LHFPL2: variants seen among roughly 807,000 people sequenced by gnomAD.
The protein encoded by LHFPL2 is LHFPL tetraspan subfamily member 2.
A neutral mutation model predicts 17.5 loss-of-function variants in LHFPL2; 7 were observed. The ratio of observed to expected loss-of-function variants is 0.40; its 90% CI spans 0.23 to 0.75. The LOEUF (loss-of-function observed/expected upper bound fraction) is 0.75, where lower values mean the gene tolerates loss of function less well. Among genes scored for constraint, LHFPL2 ranks in the 30% least tolerant of loss-of-function variants. The probability of loss-of-function intolerance (pLI) is 0.37; values close to 1 mark genes in which losing one functional copy is unlikely to be tolerated. For missense variants in LHFPL2, 241 were observed against 294.8 expected (o/e 0.82, Z 1.34); for synonymous variants, 134 against 116.2 (o/e 1.15, Z -0.99).
intron 2 of LHFPL2, among the ~76,000 whole-genome samples, chr5:78,610,057 G>A (rs748721279): frequency 3.3e-5 from 5 of 152,000 alleles, no homozygotes; most frequent in Non-Finnish European, 7.4e-5. Flanking sequence ...AGCCTGCCAG[G>A]GGACTAGAGT....
intron 4 of LHFPL2, among the ~76,000 whole-genome samples, chr5:78,501,332 A>C (rs910526130): frequency 6.6e-6 from 1 of 152,208 alleles, no homozygotes; most frequent in Non-Finnish European, 1.5e-5. Flanking sequence ...CACACTTACT[A>C]AACTTCCTTG....
intron 2 of LHFPL2, among the ~76,000 whole-genome samples, chr5:78,586,451 C>T (rs1349755288): frequency 6.6e-6 from 1 of 152,224 alleles, no homozygotes; most frequent in African/African-American, 2.4e-5. Context: ...CATTTCATAA[C>T]TGCAGTAAGT....
At position 78,628,851 on chromosome 5, in the gene LHFPL2, C is replaced by T. The variant is rs76376893; in HGVS notation, c.-245+3413G>A. 9.1e-3 allele frequency among the ~76,000 whole-genome samples: 1,385 copies of T among 152,238 alleles called. 25 individuals are homozygous for T. The highest frequency in any genetic ancestry group is 0.031 in the African/African-American group (1,295 of 41,530). ...GTCAAGTAAGTAGATGAAATGCAGGCGAGGTGAGCCCTGAAGCTTGGCCAT... is the reference window on the plus strand; with the variant it reads ...GTCAAGTAAGTAGATGAAATGCAGGTGAGGTGAGCCCTGAAGCTTGGCCAT... On this transcript the variant is annotated intron_variant, in intron 2 of 4. Coordinates refer to ENST00000380345, the MANE Select transcript of LHFPL2 (RefSeq NM_005779.3).
At chr5:78,540,981 G>A (rs773167169) in intron 3 of LHFPL2, among the ~76,000 whole-genome samples, 1 of 152,132 alleles carries the variant, frequency 6.6e-6, no homozygotes, top group Non-Finnish European at 1.5e-5. Context: ...AGTGCCAAAA[G>A]GAATTATGGA....
intron 3 of LHFPL2, among the ~76,000 whole-genome samples, chr5:78,562,016 AG>A (rs1561340135): frequency 1.3e-5 from 2 of 152,226 alleles, no homozygotes; most frequent in African/African-American, 4.8e-5. Context: ...AGTGAGGCAC[AG>A]GTGGTAAGAG....
intron 3 of LHFPL2, among the ~76,000 whole-genome samples, chr5:78,564,562 C>T (rs1756811341): frequency 6.6e-6 from 1 of 152,076 alleles, no homozygotes; most frequent in South Asian, 2.1e-4. Context: ...TGGTGACAAA[C>T]AAAGCATGTC....
chr5:78,642,795 G>T (rs1745721795), intron 1 of LHFPL2, among the ~76,000 whole-genome samples: 1 of 152,016 alleles, frequency 6.6e-6, no homozygotes, highest in South Asian at 2.1e-4. Flanking sequence ...TCCAAACTGA[G>T]GTTCCCACAA....
At chr5:78,553,472 C>G (rs1756498122) in intron 3 of LHFPL2, among the ~76,000 whole-genome samples, 1 of 152,170 alleles carries the variant, frequency 6.6e-6, no homozygotes, top group Non-Finnish European at 1.5e-5. Context: ...GGTACTGTTG[C>G]TCTAGCATCA....
intron 3 of LHFPL2, among the ~76,000 whole-genome samples, chr5:78,555,784 G>A (rs541799234): frequency 4.6e-5 from 7 of 152,334 alleles, no homozygotes; most frequent in African/African-American, 7.2e-5. Context: ...CAGAGGATGC[G>A]AAAAGGTAAG....
At position 78,584,358 on chromosome 5, in the gene LHFPL2, C is replaced by T. The variant is rs547919950; in HGVS notation, c.-244-19487G>A. 1.3e-4 allele frequency among the ~76,000 whole-genome samples: 19 copies of T among 151,136 alleles called. No homozygotes were observed. In the East Asian group the frequency reaches 3.3e-3, roughly 26 times the overall value. On this transcript the variant is annotated intron_variant, in intron 2 of 4. Transcript: ENST00000380345. ...CATTCCTTTGGAGGAGGAGAGGCGC[C>T]CTGCTTTTTAGAGTTTCCAGTTTTT...
At chr5:78,586,263 A>G (rs151170268) in intron 2 of LHFPL2, among the ~76,000 whole-genome samples, 8 of 152,188 alleles carry the variant, frequency 5.3e-5, no homozygotes, top group African/African-American at 1.9e-4. Flanking sequence ...GCACCTCACC[A>G]GGCTGCTGTG....
chr5:78,584,219 T>G (rs1433730557), intron 2 of LHFPL2, among the ~76,000 whole-genome samples: 1 of 151,966 alleles, frequency 6.6e-6, no homozygotes, highest in East Asian at 1.9e-4. Flanking sequence ...TTCTTTGCCT[T>G]TGGTTTGAAT....
chr5:78,573,581 G>A (rs566180645), intron 2 of LHFPL2, among the ~76,000 whole-genome samples: 30 of 152,306 alleles, frequency 2.0e-4, no homozygotes, highest in African/African-American at 7.2e-4. Context: ...TCTCAACAGA[G>A]GGACCTGTAA....
At chr5:78,522,273 T>TA (rs539601938) in intron 3 of LHFPL2, among the ~76,000 whole-genome samples, 20 of 151,490 alleles carry the variant, frequency 1.3e-4, no homozygotes, top group South Asian at 4.2e-4. Context: ...CTGTCTCTAC[T>TA]AAAAAAAACA....
At chr5:78,579,258 G>A (rs967795979) in intron 2 of LHFPL2, among the ~76,000 whole-genome samples, 3 of 152,160 alleles carry the variant, frequency 2.0e-5, no homozygotes, top group South Asian at 2.1e-4. Flanking sequence ...GCAGGAGAGG[G>A]TGGAGGAGGA....
chr5:78,641,094 C>T (rs1019016719), intron 1 of LHFPL2, among the ~76,000 whole-genome samples: 5 of 152,176 alleles, frequency 3.3e-5, no homozygotes, highest in Non-Finnish European at 7.3e-5. Flanking sequence ...GAAGGGTGTG[C>T]AAAGCAGTTG....
chr5:78,579,792 C>T (rs952687015), intron 2 of LHFPL2, among the ~76,000 whole-genome samples: 7 of 152,158 alleles, frequency 4.6e-5, no homozygotes, highest in South Asian at 2.1e-4. Context: ...TGAATAATGC[C>T]GCAATAAACA....
At chr5:78,619,122 C>T (rs1044816240) in intron 2 of LHFPL2, among the ~76,000 whole-genome samples, 2 of 152,148 alleles carry the variant, frequency 1.3e-5, no homozygotes, top group East Asian at 3.8e-4. Flanking sequence ...GCCTCCTGGG[C>T]TCAAACGACC....
intron 1 of LHFPL2, among the ~76,000 whole-genome samples, chr5:78,638,818 C>G (rs1011753922): frequency 6.6e-6 from 1 of 152,108 alleles, no homozygotes; most frequent in East Asian, 1.9e-4. Context: ...GGTCAGAATT[C>G]AAAACTATCT....
Sources: allele counts gnomAD v4.1 joint callset (sites outside exome capture counted in the v4.1 genomes callset), GRCh38; gene constraint gnomAD v4.1.1; transcripts MANE v1.5; gene names NCBI Gene and HGNC (gene_info 2026-07-23, HGNC 2026-07-21).